GRIP1: variants seen among roughly 807,000 people sequenced by gnomAD.
GRIP1 encodes glutamate receptor-interacting protein 1.
GRIP1 carries 45 observed loss-of-function variants against 129.9 expected under a neutral mutation model. That is an observed-to-expected ratio of 0.35 (90% CI 0.27 to 0.44). GRIP1 has a LOEUF of 0.44. Among genes scored for constraint, GRIP1 ranks in the 20% least tolerant of loss-of-function variants. The probability of loss-of-function intolerance (pLI) is 1.00; values close to 1 mark genes in which losing one functional copy is unlikely to be tolerated. For synonymous variants in GRIP1, 530 were observed against 520.8 expected (o/e 1.02, Z -0.24); for missense variants, 1,196 against 1,396.8 (o/e 0.86, Z 2.29).
intron 1 of GRIP1, among the ~76,000 whole-genome samples, chr12:66,821,200 C>A (rs550189694): frequency 5.0e-4 from 76 of 152,224 alleles, no homozygotes; most frequent in African/African-American, 1.7e-3. Context: ...GAAAAAAAAT[C>A]AACCTAGCCC....
chr12:66,358,173 G>C (rs932290560), intron 23 of GRIP1, among the ~76,000 whole-genome samples: 8 of 152,206 alleles, frequency 5.3e-5, no homozygotes, highest in African/African-American at 1.9e-4. Flanking sequence ...GGGATTACAG[G>C]CGTAAGCCAC....
At chr12:66,537,941 T>C (rs542894574) in intron 4 of GRIP1, among the ~76,000 whole-genome samples, 1 of 152,362 alleles carries the variant, frequency 6.6e-6, no homozygotes, top group East Asian at 1.9e-4. Flanking sequence ...ATTATAGCAA[T>C]TCCTCCTTAT....
rs181986300 is a variant in GRIP1, at chr12:66,766,159, A to G, written c.-420+37894T>C. 2.1e-3 allele frequency among the ~76,000 whole-genome samples: 314 copies of G among 152,320 alleles called. 3 individuals carry two copies. Among genetic ancestry groups the G allele is most frequent in the African/African-American group, 6.7e-3 (278 of 41,584 alleles). The stretch of plus-strand genomic sequence containing the variant: ...GCTGACAACTCGAAACACTAGCCCC[A>G]TGAAAAGTATATTTTCAACAAGAAT... On this transcript the variant is annotated intron_variant, in intron 1 of 4. Coordinates refer to the GRIP1 transcript ENST00000538373.
intron 14 of GRIP1, among the ~76,000 whole-genome samples, chr12:66,424,373 C>A (rs908463591): frequency 6.6e-6 from 1 of 152,096 alleles, no homozygotes; most frequent in African/African-American, 2.4e-5. Context: ...CTGAAAGAGC[C>A]GTCCTCAATT....
intron 1 of GRIP1, among the ~76,000 whole-genome samples, chr12:66,841,027 T>C (rs1327584764): frequency 6.6e-6 from 1 of 152,266 alleles, no homozygotes; most frequent in African/African-American, 2.4e-5. Context: ...TTTCAAATAC[T>C]AAATGGGATA....
At chr12:66,474,342 C>T (rs977499278) in intron 7 of GRIP1, among the ~76,000 whole-genome samples, 1 of 152,040 alleles carries the variant, frequency 6.6e-6, no homozygotes, top group Non-Finnish European at 1.5e-5. Flanking sequence ...AAGACCAAAC[C>T]TACATTTGAT....
chr12:66,872,641 A>G (rs1200037495), intron 1 of GRIP1, among the ~76,000 whole-genome samples: 1 of 152,104 alleles, frequency 6.6e-6, no homozygotes, highest in Non-Finnish European at 1.5e-5. Flanking sequence ...TCAAAGTGAC[A>G]GTTGCTATAA....
intron 4 of GRIP1, among the ~76,000 whole-genome samples, chr12:66,536,603 A>G (rs780650850): frequency 3.3e-5 from 5 of 152,260 alleles, no homozygotes; most frequent in South Asian, 2.1e-4. Context: ...CACATTCTCA[A>G]TGATGCTGTC....
intron 1 of GRIP1, among the ~76,000 whole-genome samples, chr12:66,633,314 C>CTATAT (rs2031023472): frequency 6.8e-6 from 1 of 147,416 alleles, no homozygotes; most frequent in South Asian, 2.1e-4. Flanking sequence ...CTATACTATA[C>CTATAT]TATACTATAT....
At chr12:66,992,906 G>C (rs759026342) in intron 1 of GRIP1, among the ~76,000 whole-genome samples, 1 of 152,082 alleles carries the variant, frequency 6.6e-6, no homozygotes, top group African/African-American at 2.4e-5. Context: ...TCAGCTCAGG[G>C]GTTTGAGACC....
At chr12:66,589,455 G>A (rs2063773443) in intron 2 of GRIP1, among the ~76,000 whole-genome samples, 1 of 152,106 alleles carries the variant, frequency 6.6e-6, no homozygotes, top group Admixed American at 6.5e-5. Flanking sequence ...TACTGACAAA[G>A]TGAAGTTTTG....
intron 1 of GRIP1, among the ~76,000 whole-genome samples, chr12:66,799,970 G>A (rs188009767): frequency 6.6e-6 from 1 of 152,026 alleles, no homozygotes; most frequent in Non-Finnish European, 1.5e-5. Flanking sequence ...TTTAAAATAC[G>A]ATTTGAATAT....
At chr12:67,011,768 T>C (rs1565638126) in intron 1 of GRIP1, among the ~76,000 whole-genome samples, 1 of 152,188 alleles carries the variant, frequency 6.6e-6, no homozygotes, top group East Asian at 1.9e-4. Flanking sequence ...TATTTGAGAA[T>C]TTAATATTTA....
At chr12:67,060,555 T>C (rs1361865800) in intron 1 of GRIP1, among the ~76,000 whole-genome samples, 1 of 152,134 alleles carries the variant, frequency 6.6e-6, no homozygotes, top group African/African-American at 2.4e-5. Context: ...GTGTAGTGGC[T>C]CACATCTGTA....
At chr12:67,018,052 GC>G (rs1445508244) in intron 1 of GRIP1, among the ~76,000 whole-genome samples, 2 of 152,142 alleles carry the variant, frequency 1.3e-5, no homozygotes, top group Non-Finnish European at 2.9e-5. Flanking sequence ...TTTAAGTTTG[GC>G]CGAGGTGTGG....
chr12:66,704,321 T>TA (rs1361934654), intron 1 of GRIP1, among the ~76,000 whole-genome samples: 1 of 151,878 alleles, frequency 6.6e-6, no homozygotes, highest in East Asian at 1.9e-4. Context: ...TTTTTATAAT[T>TA]AAAAAAGCTA....
chr12:66,958,904 C>A (rs745674659), intron 1 of GRIP1, among the ~76,000 whole-genome samples: 3 of 152,096 alleles, frequency 2.0e-5, no homozygotes, highest in African/African-American at 7.2e-5. Context: ...AGAATGAGTG[C>A]CCAGTACCCC....
At chr12:66,646,032 T>C (rs1382504007) in intron 1 of GRIP1, among the ~76,000 whole-genome samples, 1 of 152,194 alleles carries the variant, frequency 6.6e-6, no homozygotes, top group African/African-American at 2.4e-5. Context: ...AGTGCTAAAC[T>C]GATGTTTCTT....
At chr12:66,637,702 A>T (rs2031534992) in intron 1 of GRIP1, among the ~76,000 whole-genome samples, 1 of 152,108 alleles carries the variant, frequency 6.6e-6, no homozygotes, top group African/African-American at 2.4e-5. Flanking sequence ...AGACTGCAGA[A>T]TCCTCTACTG....
Sources: allele counts gnomAD v4.1 joint callset (sites outside exome capture counted in the v4.1 genomes callset), GRCh38; gene constraint gnomAD v4.1.1; transcripts MANE v1.5; gene names NCBI Gene and HGNC (gene_info 2026-07-23, HGNC 2026-07-21).